SORCS1: variants seen among roughly 807,000 people sequenced by gnomAD.
The protein encoded by SORCS1 is VPS10 domain-containing receptor SorCS1.
In SORCS1, 60 loss-of-function variants were observed where a neutral mutation model predicts 146.1. The ratio of observed to expected loss-of-function variants is 0.41; its 90% CI spans 0.33 to 0.51. The LOEUF is 0.51. SORCS1 is among the 20% of genes least tolerant of loss of function. The pLI is 0.21. For missense variants in SORCS1, 1,352 were observed against 1,487.6 expected (o/e 0.91, Z 1.50); for synonymous variants, 637 against 584.0 (o/e 1.09, Z -1.31).
chr10:106,598,628 C>T lies in SORCS1; in HGVS notation c.3166-1178G>A, dbSNP rs765303284. Among the ~76,000 whole-genome samples the T allele has an allele frequency of 7.3e-4, 111 of 152,270 alleles. 1 individual carries two copies. Among genetic ancestry groups the T allele is most frequent in the Non-Finnish European group, 1.2e-3 (81 of 68,030 alleles). On this transcript the variant is annotated intron_variant, in intron 23 of 25. Transcript: ENST00000263054. ...ATTCTAATAATCACTTAATATTTTA[C>T]TTAACATGTTATTTAAGTCTAATTA...
At chr10:106,839,889 G>A (rs1948948829) in intron 2 of SORCS1, among the ~76,000 whole-genome samples, 1 of 152,136 alleles carries the variant, frequency 6.6e-6, no homozygotes, top group Admixed American at 6.5e-5. Flanking sequence ...TAGCACATCT[G>A]TTTACAGCAT....
At chr10:107,059,047 A>G (rs1249708785) in intron 1 of SORCS1, among the ~76,000 whole-genome samples, 4 of 152,236 alleles carry the variant, frequency 2.6e-5, no homozygotes, top group African/African-American at 7.2e-5. Flanking sequence ...ATGGAAAACC[A>G]ATAAGTAATT....
intron 19 of SORCS1, among the ~76,000 whole-genome samples, chr10:106,624,659 C>A (rs925936812): frequency 6.6e-6 from 1 of 152,106 alleles, no homozygotes; most frequent in African/African-American, 2.4e-5. Context: ...CCATGCCGGG[C>A]CAATGATGAA....
chr10:106,895,584 C>T (rs1178299676), intron 2 of SORCS1, among the ~76,000 whole-genome samples: 1 of 152,162 alleles, frequency 6.6e-6, no homozygotes, highest in Non-Finnish European at 1.5e-5. Context: ...GCACTCCAGC[C>T]TGGGAGACAC....
At chr10:107,042,124 T>C (rs962498614) in intron 1 of SORCS1, among the ~76,000 whole-genome samples, 5 of 152,196 alleles carry the variant, frequency 3.3e-5, no homozygotes, top group African/African-American at 1.2e-4. Flanking sequence ...TGCTTGAAAT[T>C]ATCACAGTAA....
chr10:106,839,458 T>C (rs537586399), intron 2 of SORCS1, among the ~76,000 whole-genome samples: 1 of 152,262 alleles, frequency 6.6e-6, no homozygotes, highest in Admixed American at 6.5e-5. Context: ...GTGAAGACGC[T>C]GTGGAAGAAA....
chr10:106,761,454 G>T, intron 5 of SORCS1, 134 bp downstream of exon 5: 1 of 698,066 alleles, frequency 1.4e-6, no homozygotes, highest in East Asian at 2.7e-5. Flanking sequence ...CTGCCCTGAG[G>T]GGATGTGGGC....
chr10:106,881,709 C>T (rs1202879242), intron 2 of SORCS1, among the ~76,000 whole-genome samples: 1 of 152,184 alleles, frequency 6.6e-6, no homozygotes, highest in Admixed American at 6.5e-5. Context: ...ACAGCAAGAG[C>T]TAAGAAGATT....
At chr10:106,615,136 T>TA (rs1461817002) in intron 21 of SORCS1, among the ~76,000 whole-genome samples, 1 of 152,204 alleles carries the variant, frequency 6.6e-6, no homozygotes, top group Admixed American at 6.5e-5. Context: ...TTGCTTTTCT[T>TA]AGAGTATTCT....
At chr10:106,782,343 A>T (rs978762812) in intron 3 of SORCS1, among the ~76,000 whole-genome samples, 4 of 152,084 alleles carry the variant, frequency 2.6e-5, no homozygotes, top group African/African-American at 9.7e-5. Context: ...ACAGCCTCAA[A>T]CTCCTGGGCT....
At chr10:107,089,030 A>C (rs17122075) in intron 1 of SORCS1, among the ~76,000 whole-genome samples, 2 of 152,152 alleles carry the variant, frequency 1.3e-5, no homozygotes, top group African/African-American at 4.8e-5. Flanking sequence ...CATCTGACTT[A>C]GAATCTTGTG....
At chr10:107,178,788 T>A in the SORCS1 span, among the ~76,000 whole-genome samples, 2 of 152,082 alleles carry the variant, frequency 1.3e-5, no homozygotes, top group Admixed American at 6.6e-5. Flanking sequence ...GTGCCAGTCT[T>A]TGATTCTTTT....
chr10:106,994,451 C>G (rs533178479), intron 1 of SORCS1, among the ~76,000 whole-genome samples: 1 of 152,240 alleles, frequency 6.6e-6, no homozygotes, highest in South Asian at 2.1e-4. Context: ...ATAGAAGTAT[C>G]AAATAAGGAT....
chr10:106,682,429 A>G (rs1852509113), intron 10 of SORCS1, among the ~76,000 whole-genome samples: 1 of 152,160 alleles, frequency 6.6e-6, no homozygotes, highest in African/African-American at 2.4e-5. Context: ...TTCTTCAAGG[A>G]AGTAACATAG....
rs1294640917 is a variant in SORCS1, at chr10:106,610,299, G to C, written c.3033+1612C>G. On this transcript the variant is annotated intron_variant, in intron 22 of 25. Transcript: ENST00000263054. The stretch of plus-strand genomic sequence containing the variant: ...ATCAAGATTCAAACCTTGATGGTTT[G>C]ACTCCAGAATCTGATCTTTAAGTGC... Among the ~76,000 whole-genome samples, 25 of 152,114 alleles carry C rather than the reference G, an allele frequency of 1.6e-4. No homozygotes were observed. In the East Asian group the frequency reaches 4.7e-3, roughly 28 times the overall value.
intron 1 of SORCS1, among the ~76,000 whole-genome samples, chr10:106,992,801 A>AATTTCTTT: frequency 6.8e-6 from 1 of 146,002 alleles, no homozygotes; most frequent in South Asian, 2.2e-4. Context: ...AGGCCGAGCT[A>AATTTCTTT]ATTTCTTTCT....
At chr10:106,959,739 T>C (rs183721992) in intron 1 of SORCS1, among the ~76,000 whole-genome samples, 6 of 152,346 alleles carry the variant, frequency 3.9e-5, no homozygotes, top group Non-Finnish European at 5.9e-5. Context: ...TCTCAACTTC[T>C]GGGCTCAAGG....
intron 6 of SORCS1, among the ~76,000 whole-genome samples, chr10:106,726,110 CCTCT>C (rs1856142637): frequency 6.7e-6 from 1 of 149,016 alleles, no homozygotes; most frequent in Admixed American, 6.7e-5. Context: ...CCAACCTCCT[CCTCT>C]CTGTTTATTT....
At chr10:106,744,052 T>C (rs1337571800) in intron 5 of SORCS1, among the ~76,000 whole-genome samples, 1 of 152,194 alleles carries the variant, frequency 6.6e-6, no homozygotes, top group African/African-American at 2.4e-5. Flanking sequence ...TTGACTTAAC[T>C]AGTTTTCTGA....
Sources: allele counts gnomAD v4.1 joint callset (sites outside exome capture counted in the v4.1 genomes callset), GRCh38; gene constraint gnomAD v4.1.1; transcripts MANE v1.5; gene names NCBI Gene and HGNC (gene_info 2026-07-23, HGNC 2026-07-21).